The following DOCK7 variants were observed in gnomAD, a reference collection of about 807,000 sequenced individuals.
The protein encoded by DOCK7 is dedicator of cytokinesis 7.
DOCK7 carries 138 observed loss-of-function variants against 271.0 expected under a neutral mutation model. The observed-to-expected ratio is 0.51, with a 90% CI of 0.44 to 0.59. The LOEUF (loss-of-function observed/expected upper bound fraction) is 0.59. DOCK7 is among the 20% of genes least tolerant of loss of function. The pLI is 0.00. For missense variants in DOCK7, 2,066 were observed against 2,592.4 expected (o/e 0.80, Z 4.41); for synonymous variants, 823 against 876.1 (o/e 0.94, Z 1.07).
chr1:62,584,739 A>G (rs970695802), intron 15 of DOCK7: 6 of 908,876 alleles, frequency 6.6e-6, no homozygotes, highest in Non-Finnish European at 1.1e-5. Flanking sequence ...GCCCTCAAGG[A>G]GCTCACAATC....
rs745746297 is a variant in DOCK7 at position 62,513,804 on chromosome 1, A to G, written c.4031T>C (p.Leu1344Pro). 1 of 1,614,172 alleles carries G rather than the reference A, an allele frequency of 6.2e-7. No individual in the cohort carries two copies. Among genetic ancestry groups the G allele is most frequent in the Non-Finnish European group, 8.5e-7 (1 of 1,179,998 alleles). The change falls in exon 32 of 50, where the codon CTA (leucine) becomes CCA (proline). Residue 1344 changes from leucine to proline, a missense_variant. Around this residue, in one of 2 missense-constraint regions of DOCK7, gnomAD observed 1,414 missense variants for 1,670.4 expected, o/e 0.85. Coordinates refer to ENST00000635253, the MANE Select transcript of DOCK7 (RefSeq NM_001367561.1). ...TGAGAGATCTGTAAACCACTTCTGT[A>G]GAACTGTTTCATCTGCATTTTTGAG... Reference protein sequence around the residue: ...WVLKNADETVLQKWFTDLSVL... With the variant: ...WVLKNADETVPQKWFTDLSVL...
intron 2 of DOCK7, among the ~76,000 whole-genome samples, chr1:62,654,928 G>A (rs936641993): frequency 6.6e-6 from 1 of 152,222 alleles, no homozygotes; most frequent in Non-Finnish European, 1.5e-5. Flanking sequence ...GAATTTGGAA[G>A]AGACAAAGAA....
At chr1:62,659,617 AG>A (rs1337244099) in intron 2 of DOCK7, among the ~76,000 whole-genome samples, 32 of 152,344 alleles carry the variant, frequency 2.1e-4, no homozygotes, top group African/African-American at 7.7e-4. Flanking sequence ...ATTAGCAGAA[AG>A]GACTTTAAAA....
chr1:62,682,186 T>C (rs1178426520), intron 1 of DOCK7, among the ~76,000 whole-genome samples: 1 of 152,144 alleles, frequency 6.6e-6, no homozygotes, highest in Non-Finnish European at 1.5e-5. Context: ...CAGGTCACAG[T>C]TAACCTTAAA....
In DOCK7 at chr1:62,625,382, T is replaced by G. The variant is rs1461615353; in HGVS notation, c.1302A>C (p.Ser434=). ...ISTGERKGSW[S]ERRNSSIVGR... ...CAACAATACTAGAATTCCTCCTCTC[T>G]GACCAAGACCCTTTTCGTTCTACAA... Residue 434 remains serine (S), a synonymous_variant, in exon 12 of 50, where the codon TCA becomes TCC. Transcript: ENST00000635253. 4.3e-6 allele frequency: 7 copies of G among 1,609,356 alleles called. No homozygotes were observed. Among genetic ancestry groups the G allele is most frequent in the South Asian group, 1.1e-5 (1 of 89,990 alleles).
intron 48 of DOCK7, among the ~76,000 whole-genome samples, chr1:62,471,343 G>A (rs1428239192): frequency 8.5e-5 from 13 of 152,134 alleles, no homozygotes. Context: ...TTTTTAGAAT[G>A]TACTACATAC....
chr1:62,596,998 C>T (rs1336350615), intron 14 of DOCK7, among the ~76,000 whole-genome samples: 2 of 152,030 alleles, frequency 1.3e-5, no homozygotes, highest in African/African-American at 4.8e-5. Context: ...AAATGAGGAG[C>T]ATATAATTAT....
chr1:62,541,479 A>G (rs1269564030), intron 25 of DOCK7, among the ~76,000 whole-genome samples: 1 of 152,134 alleles, frequency 6.6e-6, no homozygotes, highest in Non-Finnish European at 1.5e-5. Flanking sequence ...AGCAAAACCA[A>G]CCCCTCCTCT....
chr1:62,620,660 C>A (rs1420720210), intron 12 of DOCK7, among the ~76,000 whole-genome samples: 1 of 151,576 alleles, frequency 6.6e-6, no homozygotes, highest in Non-Finnish European at 1.5e-5. Context: ...GCGGGCGGAC[C>A]ATGAGGTCAG....
At chr1:62,519,044 A>C (rs1210395966) in intron 31 of DOCK7, among the ~76,000 whole-genome samples, 5 of 135,360 alleles carry the variant, frequency 3.7e-5, no homozygotes, top group Non-Finnish European at 8.0e-5. Flanking sequence ...GAGCAAAGAA[A>C]ACCTAGTGTA....
chr1:62,498,085 T>TA (rs1322485278), intron 37 of DOCK7, among the ~76,000 whole-genome samples: 5 of 151,572 alleles, frequency 3.3e-5, no homozygotes, highest in Non-Finnish European at 7.4e-5. Context: ...ACGAAATTTT[T>TA]TTTTTTTAAT....
rs761966781 is a variant in DOCK7, at chr1:62,539,903, G to C, written c.3046-11C>G. 1 of 1,539,596 alleles carries C rather than the reference G, an allele frequency of 6.5e-7. No individual in the cohort carries two copies. The highest frequency in any genetic ancestry group is 8.8e-7 in the Non-Finnish European group (1 of 1,138,886). ...CACCATGCTCTTTACCTGAAAAAAA[G>C]ATATAAATTATTAATTTCCTATGAA... On this transcript the variant is annotated splice_polypyrimidine_tract_variant and intron_variant, in intron 25 of 49. Coordinates refer to ENST00000635253, the MANE Select transcript of DOCK7 (RefSeq NM_001367561.1).
intron 14 of DOCK7, among the ~76,000 whole-genome samples, chr1:62,607,164 C>T (rs1384678239): frequency 6.6e-6 from 1 of 151,802 alleles, no homozygotes; most frequent in African/African-American, 2.4e-5. Flanking sequence ...TGAGATCACA[C>T]CAATGCACTG....
chr1:62,603,928 G>A (rs1650530647), intron 14 of DOCK7: 7 of 1,598,350 alleles, frequency 4.4e-6, no homozygotes, highest in African/African-American at 4.0e-5. Flanking sequence ...TGTCCAACCT[G>A]TACTTAATAA....
intron 12 of DOCK7, among the ~76,000 whole-genome samples, chr1:62,621,308 A>AT (rs1263697654): frequency 1.3e-5 from 2 of 152,192 alleles, no homozygotes; most frequent in Admixed American, 1.3e-4. Flanking sequence ...CACAAAACAA[A>AT]TTACCCATAG....
At chr1:62,580,726 G>A (rs1647089767) in intron 16 of DOCK7, among the ~76,000 whole-genome samples, 1 of 152,026 alleles carries the variant, frequency 6.6e-6, no homozygotes, top group African/African-American at 2.4e-5. Context: ...ATATAAGTAA[G>A]ACACATATAT....
chr1:62,561,728 C>A (rs1371046594), intron 18 of DOCK7, 25 bp from the exon 19 acceptor site: 2 of 1,290,432 alleles, frequency 1.5e-6, no homozygotes, highest in Non-Finnish European at 2.0e-6. Flanking sequence ...ATATAATGAT[C>A]ACAGATGCTT....
At chr1:62,574,132 C>CCCTAA (rs1646870909) in intron 18 of DOCK7, among the ~76,000 whole-genome samples, 1 of 152,020 alleles carries the variant, frequency 6.6e-6, no homozygotes, top group Non-Finnish European at 1.5e-5. Context: ...CCCTAAATGC[C>CCCTAA]ATGTTTCTAA....
intron 33 of DOCK7, among the ~76,000 whole-genome samples, chr1:62,511,581 T>C (rs1304577572): frequency 1.3e-5 from 2 of 152,070 alleles, no homozygotes; most frequent in Non-Finnish European, 2.9e-5. Flanking sequence ...TACAAAAGAA[T>C]ACAACTATAC....
Sources: allele counts gnomAD v4.1 joint callset (sites outside exome capture counted in the v4.1 genomes callset), GRCh38; gene constraint gnomAD v4.1.1; regional missense constraint gnomAD v4.1.1; transcripts MANE v1.5; gene names NCBI Gene and HGNC (gene_info 2026-07-23, HGNC 2026-07-21).